SP100: variants seen among roughly 807,000 people sequenced by gnomAD.
The protein encoded by SP100 is nuclear autoantigen Sp-100.
SP100 carries 84 observed loss-of-function variants against 130.0 expected under a neutral mutation model. That is an observed-to-expected ratio of 0.65 (90% CI 0.54 to 0.77). The LOEUF (loss-of-function observed/expected upper bound fraction) is 0.77, where lower values mean the gene tolerates loss of function less well. Among genes scored for constraint, SP100 ranks in the 30% least tolerant of loss-of-function variants. The pLI is 0.00. For missense variants in SP100, 978 were observed against 1,052.2 expected (o/e 0.93, Z 0.97); for synonymous variants, 331 against 351.7 (o/e 0.94, Z 0.66).
chr2:230,522,846 G>T (rs758500773), intron 24 of SP100, among the ~76,000 whole-genome samples: 1 of 151,422 alleles, frequency 6.6e-6, no homozygotes, highest in East Asian at 1.9e-4. Context: ...GCAGAGTCTC[G>T]CTCTGTTGCC....
chr2:230,535,778 A>C (rs1292814891), intron 24 of SP100, among the ~76,000 whole-genome samples: 1 of 151,360 alleles, frequency 6.6e-6, no homozygotes, highest in Non-Finnish European at 1.5e-5. Flanking sequence ...GTGGTGGTGC[A>C]TGCCTGTCGT....
chr2:230,434,676 T>C (rs2063196304), intron 2 of SP100, among the ~76,000 whole-genome samples: 1 of 151,956 alleles, frequency 6.6e-6, no homozygotes, highest in African/African-American at 2.4e-5. Context: ...GATTTTTAGA[T>C]AGGTTGGTCA....
chr2:230,439,550 TTTG>T (rs147214851), intron 2 of SP100, among the ~76,000 whole-genome samples: 2,123 of 151,550 alleles, frequency 0.014, 60 homozygotes, highest in African/African-American at 0.048. Context: ...TTTTTGGATT[TTTG>T]TTGTTGTTGT....
At position 230,524,197 on chromosome 2, in the gene SP100, A is replaced by G. The variant is rs563227281; in HGVS notation, c.2094+13031A>G. The stretch of plus-strand genomic sequence containing the variant: ...AAAAATACAAAAAAAAAAAAAAAAA[A>G]AAAAGAAAATTAGCCAGGCGTGGTG... On this transcript the variant is annotated intron_variant, in intron 24 of 28. Coordinates refer to ENST00000340126, the MANE Select transcript of SP100 (RefSeq NM_001080391.2). 1.9e-3 allele frequency among the ~76,000 whole-genome samples: 271 copies of G among 141,552 alleles called. 8 individuals carry two copies. The East Asian group carries it at 0.046, about 24-fold the overall frequency. 92.9% of individuals were successfully genotyped at this position (141,552 alleles called of 152,430 possible).
At chr2:230,482,992 A>C (rs1435845928) in intron 17 of SP100, among the ~76,000 whole-genome samples, 1 of 152,202 alleles carries the variant, frequency 6.6e-6, no homozygotes, top group African/African-American at 2.4e-5. Context: ...TAAAATATTG[A>C]CCGTTTCTAT....
chr2:230,424,454 GT>G (rs1393024227), intron 2 of SP100, among the ~76,000 whole-genome samples: 1 of 152,096 alleles, frequency 6.6e-6, no homozygotes, highest in African/African-American at 2.4e-5. Flanking sequence ...ATCACCTGAG[GT>G]CAGGAGTTCA....
chr2:230,498,615 G>A lies in SP100; in HGVS notation c.1720+80G>A, dbSNP rs568403808. On this transcript the variant is annotated intron_variant, in intron 19 of 28. Transcript: ENST00000340126. ...AGTAAGAAACATTTTTTTCCTAAAT[G>A]CTTTATGTAGCTGTACTTACTGTTG... 39 of 709,724 alleles carry A rather than the reference G, an allele frequency of 5.5e-5. No individual in the cohort carries two copies. The African/African-American group carries it at 6.8e-4, about 12-fold the overall frequency. The allele number at this position is 709,724 out of a possible 1,614,324, so 44.0% of individuals were successfully genotyped here. A position where few individuals can be genotyped will look rare whatever the true frequency, so the allele number is the denominator to read the frequency against.
Position 230,506,354 on chromosome 2 carries a change from G to C in SP100, c.1922G>C (p.Arg641Thr), listed in dbSNP as rs981734252. The change falls in exon 22 of 29, where the codon AGG (arginine) becomes ACG (threonine). Residue 641 changes from arginine to threonine, a missense_variant. By Grantham distance (71) the Arg-to-Thr change is moderately conservative (BLOSUM62 -1). Transcript: ENST00000340126. ...GAGGATAAAAAGTGGTTCACTCCCA[G>C]GGAATTTGAAATTGAAGGAGACCGC... ...QSEDKKWFTP[R>T]EFEIEGDRGA... 1.2e-6 allele frequency: 2 copies of C among 1,613,960 alleles called. No individual in the cohort carries two copies. Among genetic ancestry groups the C allele is most frequent in the Non-Finnish European group, 1.7e-6 (2 of 1,179,856 alleles).
At chr2:230,539,505 G>T (rs78571633) in intron 25 of SP100, 123 bp downstream of exon 25, 1 of 644,758 alleles carries the variant, frequency 1.6e-6, no homozygotes, top group Non-Finnish European at 2.8e-6. Context: ...ATAAGGAGCA[G>T]GCTCCTTAGC....
chr2:230,515,879 G>A, intron 24 of SP100: 2 of 1,242,538 alleles, frequency 1.6e-6, no homozygotes, highest in East Asian at 7.0e-5. Flanking sequence ...AATTGGCATG[G>A]AAATTTAAAG....
Position 230,470,084 on chromosome 2 carries a change from TAAG to T in SP100, c.1420_1422del (p.Arg474del). 1 of 1,609,202 alleles carries T rather than the reference TAAG, an allele frequency of 6.2e-7. No homozygotes were observed. Among genetic ancestry groups the T allele is most frequent in the South Asian group, 1.1e-5 (1 of 90,140 alleles). On this transcript the variant is annotated inframe_deletion, in exon 15 of 29. Coordinates refer to ENST00000340126, the MANE Select transcript of SP100 (RefSeq NM_001080391.2). ...CTTCAGGAAACCTGCAGCTCATCCC[TAAG>T]AAGAGGGTCAGGTAAAGAAGATTAG...
intron 2 of SP100, among the ~76,000 whole-genome samples, chr2:230,421,515 A>ATATATATC (rs1361161837): frequency 6.7e-6 from 1 of 149,260 alleles, no homozygotes; most frequent in Non-Finnish European, 1.5e-5. Flanking sequence ...ATATATATAT[A>ATATATATC]TATATATCCT....
At chr2:230,417,442 A>G in intron 1 of SP100, 149 bp from the exon 2 acceptor site, 2 of 970,788 alleles carry the variant, frequency 2.1e-6, no homozygotes, top group Non-Finnish European at 2.9e-6. Context: ...GTTCACATTT[A>G]CCAATAAGCT....
intron 2 of SP100, among the ~76,000 whole-genome samples, chr2:230,432,938 T>C (rs1283980818): frequency 6.6e-6 from 1 of 152,188 alleles, no homozygotes; most frequent in Admixed American, 6.5e-5. Context: ...TCCTGTGTTT[T>C]CTTCCAAAAG....
Position 230,466,260 on chromosome 2 carries a change from T to G in SP100, c.1142-41T>G, listed in dbSNP as rs200444115. The G allele has an allele frequency of 7.8e-5, 89 of 1,146,666 alleles. 1 individual carries two copies. The East Asian group carries it at 1.8e-3, about 23-fold the overall frequency. 71.0% of individuals were successfully genotyped at this position (1,146,666 alleles called of 1,614,324 possible). On this transcript the variant is annotated intron_variant, in intron 11 of 28. Coordinates refer to ENST00000340126, the MANE Select transcript of SP100 (RefSeq NM_001080391.2). ...TCAGTTGTCATAGAATTTATAAGTCTCTTGCATACAAATAACGGGTTTCTC... is the reference window on the plus strand; with the variant it reads ...TCAGTTGTCATAGAATTTATAAGTCGCTTGCATACAAATAACGGGTTTCTC...
Position 230,470,014 on chromosome 2 carries a change from G to A in SP100, c.1346-1G>A, listed in dbSNP as rs2065190143. 1 of 1,610,892 alleles carries A rather than the reference G, an allele frequency of 6.2e-7. No individual in the cohort carries two copies. Among genetic ancestry groups the A allele is most frequent in the African/African-American group, 1.3e-5 (1 of 74,726 alleles). ...TTAAGGAATTTTATTTTTTTCTGCA[G>A]GTTTCAGCAGTAGTGACTTTTCAGA... is the stretch of plus-strand genomic sequence containing the variant. On this transcript the variant is annotated splice_acceptor_variant, in intron 14 of 28. Transcript: ENST00000340126. LOFTEE classifies it high-confidence loss of function.
chr2:230,446,841 C>G lies in SP100; in HGVS notation c.462C>G (p.Leu154=). 1.2e-6 allele frequency: 2 copies of G among 1,611,134 alleles called. No homozygotes were observed. Among genetic ancestry groups the G allele is most frequent in the Admixed American group, 1.7e-5 (1 of 59,926 alleles). ...FENVIHDKLP[L]QESEEEEREE... is the part of the protein sequence containing the mutation. ...CAGTAATCCATGACAAATTGCCTCT[C>G]CAAGAAAGTGAAGAAGAAGAGAGGG... is the stretch of plus-strand genomic sequence containing the variant. The change falls in exon 5 of 29, where the codon CTC becomes CTG. Residue 154 remains leucine (L), a synonymous_variant. Transcript: ENST00000340126.
intron 2 of SP100, among the ~76,000 whole-genome samples, chr2:230,421,844 G>C (rs1042329287): frequency 8.5e-5 from 13 of 152,052 alleles, no homozygotes; most frequent in African/African-American, 3.1e-4. Context: ...AAATTCATTT[G>C]TTGTGCTTTG....
At chr2:230,463,028 T>C (rs1329177019) in intron 10 of SP100, among the ~76,000 whole-genome samples, 1 of 152,236 alleles carries the variant, frequency 6.6e-6, no homozygotes, top group Non-Finnish European at 1.5e-5. Flanking sequence ...TTGTTTCTGA[T>C]AGAGTTCTTC....
Sources: gnomAD v4.1 joint callset for allele counts (sites outside exome capture counted in the v4.1 genomes callset) on GRCh38, gnomAD v4.1.1 for gene constraint, MANE v1.5 for transcripts, NCBI Gene and HGNC (gene_info 2026-07-23, HGNC 2026-07-21) for gene names.